The following MAPK8IP3 variants were observed in gnomAD, a reference collection of about 807,000 sequenced individuals.
The protein encoded by MAPK8IP3 is C-Jun-amino-terminal kinase-interacting protein 3.
Under a neutral mutation model 157.8 loss-of-function variants are expected in MAPK8IP3, and 49 were observed. That is an observed-to-expected ratio of 0.31 (90% confidence interval 0.25 to 0.39). MAPK8IP3 has a LOEUF of 0.39. Ranked by LOEUF, MAPK8IP3 falls within the 10% of genes least tolerant of loss-of-function variation. MAPK8IP3 has a pLI of 1.00. For missense variants in MAPK8IP3, 1,478 were observed against 1,889.4 expected, an observed-to-expected ratio of 0.78 and a Z score of 4.04; for synonymous variants, 897 against 777.7, an observed-to-expected ratio of 1.15 and a Z score of -2.55.
chr16:1,716,785 G>A (rs950636100), intron 1 of MAPK8IP3, among the ~76,000 whole-genome samples: 2 of 151,938 alleles, frequency 1.3e-5, no homozygotes, highest in Non-Finnish European at 2.9e-5. Context: ...ATGACCAGGC[G>A]CAGTGGTTCA....
At chr16:1,750,202 G>GTTTATTTA (rs370041068) in intron 8 of MAPK8IP3, among the ~76,000 whole-genome samples, 3,152 of 151,884 alleles carry the variant, frequency 0.021, 58 homozygotes, top group Non-Finnish European at 0.03. Context: ...TTCAGATAAT[G>GTTTATTTA]TTTATTTATT....
chr16:1,748,230 G>A lies in MAPK8IP3; in HGVS notation c.995-14G>A. The stretch of plus-strand genomic sequence containing the variant: ...CCCTCTCCTGACCCCAGGTGCCCCT[G>A]TGCTCTCCCCTAGGCATGGGCAGCA... On this transcript the variant is annotated splice_polypyrimidine_tract_variant and intron_variant, in intron 6 of 31. Transcript: ENST00000610761. 1.2e-6 allele frequency: 2 copies of A among 1,606,292 alleles called. No individual in the cohort carries two copies. The highest frequency in any genetic ancestry group is 1.7e-6 in the Non-Finnish European group (2 of 1,173,216).
At position 1,768,430 on chromosome 16, in the gene MAPK8IP3, C is replaced by T. The variant is rs373972033; in HGVS notation, c.3743-47C>T. On this transcript the variant is annotated intron_variant, in intron 30 of 31. Coordinates refer to ENST00000610761, the MANE Select transcript of MAPK8IP3 (RefSeq NM_001318852.2). Reference sequence around the variant, plus strand: ...ACATCCCCTGCATGCCAGTGGCCGCCGCCTCCCCCAGGAGGCCGCTGTCCT... The same window carrying T: ...ACATCCCCTGCATGCCAGTGGCCGCTGCCTCCCCCAGGAGGCCGCTGTCCT... 8.8e-6 allele frequency: 14 copies of T among 1,595,588 alleles called. No individual in the cohort carries two copies. The African/African-American group carries it at 1.2e-4, about 14-fold the overall frequency.
intron 1 of MAPK8IP3, among the ~76,000 whole-genome samples, chr16:1,720,603 G>A (rs1043568846): frequency 1.3e-5 from 2 of 152,088 alleles, no homozygotes; most frequent in African/African-American, 2.4e-5. Flanking sequence ...AATTTTAACC[G>A]ACCCTATAGA....
chr16:1,763,693 C>T lies in MAPK8IP3; in HGVS notation c.1935C>T (p.Arg645=). 1.3e-6 allele frequency: 2 copies of T among 1,594,330 alleles called. No individual in the cohort carries two copies. Among genetic ancestry groups the T allele is most frequent in the East Asian group, 2.3e-5 (1 of 43,838 alleles). ...CCTCCGCCCGTCGAGAGCAGAAGCG[C>T]GAGCAGTACCGCCAGGTGCGTGAGC... The part of the protein sequence containing the change: ...CTSSARREQK[R]EQYRQVREHV... Residue 645 remains arginine (R), a synonymous_variant, in exon 17 of 32, where the codon CGC becomes CGT. Transcript: ENST00000610761.
At position 1,706,231 on chromosome 16, in the gene MAPK8IP3, C is replaced by T. The variant is rs1025878219; in HGVS notation, c.-109C>T. 24 of 1,024,630 alleles carry T rather than the reference C, an allele frequency of 2.3e-5. No individual in the cohort carries two copies. In the African/African-American group the frequency reaches 3.8e-4, roughly 16 times the overall value. The allele number at this position is 1,024,630 out of a possible 1,614,324, so 63.5% of individuals were successfully genotyped here. ...CGGCGGCGGCGGAGCCCTGAGGCGA[C>T]AGCAGCTGCGGGAGGCGACGGGCTG... On this transcript the variant is annotated 5_prime_UTR_variant, in exon 1 of 32. Transcript: ENST00000610761. This position sits in a 1 kb window ranked among gnomAD's most constrained non-coding sequence, Gnocchi z 5.1.
chr16:1,744,218 G>A, intron 5 of MAPK8IP3: 1 of 985,632 alleles, frequency 1.0e-6, no homozygotes. Context: ...CTGGGAAGAA[G>A]AGGTGACCCC....
Position 1,747,080 on chromosome 16 carries a change from C to T in MAPK8IP3, c.799C>T (p.Pro267Ser). 6.2e-7 allele frequency: 1 copy of T among 1,613,606 alleles called. No homozygotes were observed. The highest frequency in any genetic ancestry group is 1.1e-5 in the South Asian group (1 of 91,084). ...ESGQSSAAAT[P>S]STTGTKSNTP... The stretch of plus-strand genomic sequence containing the variant: ...AGGCCAGTCCTCGGCGGCCGCCACA[C>T]CCAGCACCACAGGCACCAAGTCCAA... Residue 267 changes from proline (P) to serine (S), a missense_variant, in exon 6 of 32, where the codon CCC becomes TCC. Pro to Ser is a moderately conservative substitution (Grantham distance 74, BLOSUM62 -1). Coordinates refer to ENST00000610761, the MANE Select transcript of MAPK8IP3 (RefSeq NM_001318852.2).
chr16:1,756,145 G>A (rs567237860), intron 8 of MAPK8IP3, among the ~76,000 whole-genome samples: 202 of 152,290 alleles, frequency 1.3e-3, no homozygotes, highest in African/African-American at 4.4e-3. Flanking sequence ...GGGCTGAAAA[G>A]TACCTCAAGC....
intron 8 of MAPK8IP3, chr16:1,748,936 C>T (rs1233314288): frequency 2.9e-6 from 2 of 700,802 alleles, no homozygotes; most frequent in Non-Finnish European, 2.7e-6. Context: ...AAATCTGAGG[C>T]TTCTCAAGTC....
chr16:1,765,526 G>T (rs1169552929), intron 20 of MAPK8IP3, among the ~76,000 whole-genome samples: 6 of 152,226 alleles, frequency 3.9e-5, no homozygotes, highest in African/African-American at 1.4e-4. Context: ...GGCCGAAGGG[G>T]CTATGGGGGT....
At chr16:1,758,508 C>T (rs1316684094) in intron 9 of MAPK8IP3, among the ~76,000 whole-genome samples, 2 of 152,202 alleles carry the variant, frequency 1.3e-5, no homozygotes, top group African/African-American at 2.4e-5. Flanking sequence ...AGTCAGGGGT[C>T]CTTGAAGCCC....
In MAPK8IP3 at chr16:1,710,655, A is replaced by G. The variant is rs575981178; in HGVS notation, c.318+3998A>G. 7.7e-4 allele frequency among the ~76,000 whole-genome samples: 117 copies of G among 152,306 alleles called. No individual in the cohort carries two copies. The highest frequency in any genetic ancestry group is 2.6e-3 in the African/African-American group (109 of 41,566). On this transcript the variant is annotated intron_variant, in intron 1 of 31. Transcript: ENST00000610761. The surrounding 1 kb of genome is among the most constrained non-coding windows in gnomAD (Gnocchi z 4.1). ...GATCTGCAGGAAGTCTTTTCCATCA[A>G]TGAATTAAGATGCTGAATCAGAAAT...
At chr16:1,767,393 G>T in intron 26 of MAPK8IP3, 96 bp downstream of exon 26, 2 of 1,553,678 alleles carry the variant, frequency 1.3e-6, no homozygotes, top group Non-Finnish European at 1.8e-6. Flanking sequence ...GGCCCTACGT[G>T]GGTCCCATCT....
intron 4 of MAPK8IP3, among the ~76,000 whole-genome samples, chr16:1,730,747 G>T (rs2039256684): frequency 6.6e-6 from 1 of 151,934 alleles, no homozygotes; most frequent in Non-Finnish European, 1.5e-5. Flanking sequence ...GGAGGCTGAG[G>T]CAGGAGAATC....
At chr16:1,725,616 G>T (rs1211678371) in intron 2 of MAPK8IP3, among the ~76,000 whole-genome samples, 1 of 151,560 alleles carries the variant, frequency 6.6e-6, no homozygotes, top group Non-Finnish European at 1.5e-5. Flanking sequence ...GACAGAGTGA[G>T]ACTCCATCTC....
intron 20 of MAPK8IP3, 39 bp from the exon 21 acceptor site, chr16:1,765,921 G>T (rs2141948122): frequency 6.4e-7 from 1 of 1,564,542 alleles, no homozygotes; most frequent in East Asian, 2.3e-5. Context: ...GCAGTAGTGG[G>T]TTCCCCCGCA....
At chr16:1,735,767 C>A (rs1164479311) in intron 4 of MAPK8IP3, among the ~76,000 whole-genome samples, 3 of 126,984 alleles carry the variant, frequency 2.4e-5, no homozygotes, top group Non-Finnish European at 5.0e-5. Flanking sequence ...ATCCGTGTGA[C>A]CGTCCATGTG....
chr16:1,748,924 CA>C, intron 8 of MAPK8IP3: 1 of 714,516 alleles, frequency 1.4e-6, no homozygotes, highest in Non-Finnish European at 2.6e-6. Context: ...CCAAGGATGC[CA>C]AAATCTGAGG....
Sources: gnomAD v4.1 joint callset for allele counts (sites outside exome capture counted in the v4.1 genomes callset) on GRCh38, gnomAD v4.1.1 for gene constraint, Gnocchi (gnomAD v3.1) non-coding constraint, MANE v1.5 for transcripts, NCBI Gene and HGNC (gene_info 2026-07-23, HGNC 2026-07-21) for gene names.